ZBTB20: variants seen among roughly 807,000 people sequenced by gnomAD.
ZBTB20 encodes the protein zinc finger and BTB domain-containing protein 20.
ZBTB20 carries 9 observed loss-of-function variants against 56.9 expected under a neutral mutation model. That is an observed-to-expected ratio of 0.16 (90% CI 0.10 to 0.28). The LOEUF (loss-of-function observed/expected upper bound fraction) is 0.28. Ranked by LOEUF, ZBTB20 falls within the 10% of genes least tolerant of loss-of-function variation. ZBTB20 has a pLI of 1.00. For missense variants in ZBTB20, 655 were observed against 1,003.0 expected (o/e 0.65, Z 4.69); for synonymous variants, 417 against 420.7 (o/e 0.99, Z 0.11).
At chr3:115,077,192 GA>G (rs370449555) in intron 1 of ZBTB20, among the ~76,000 whole-genome samples, 2,148 of 147,796 alleles carry the variant, frequency 0.015, 63 homozygotes, top group African/African-American at 0.05. Flanking sequence ...AGAGCAAAAA[GA>G]AAAAAAAAAC....
chr3:114,900,506 A>AAAATAT (rs1553855109), intron 3 of ZBTB20, 164 bp from the exon 4 acceptor site: 1 of 137,968 alleles, frequency 7.2e-6, no homozygotes, highest in Non-Finnish European at 1.5e-5. Flanking sequence ...TATATCTGAA[A>AAAATAT]ATATATACAC....
chr3:115,140,135 G>A (rs2084769318), intron 1 of ZBTB20, among the ~76,000 whole-genome samples: 1 of 151,832 alleles, frequency 6.6e-6, no homozygotes, highest in South Asian at 2.1e-4. Flanking sequence ...CCCTAAAAAT[G>A]AAAAATCTAA....
In ZBTB20 at chr3:115,078,230, C is replaced by T. The variant is rs145921434; in HGVS notation, c.-702-6816G>A. Among the ~76,000 whole-genome samples, 4 of 152,180 alleles carry T rather than the reference C, an allele frequency of 2.6e-5. No individual in the cohort carries two copies. The South Asian group carries it at 6.2e-4, about 24-fold the overall frequency. On this transcript the variant is annotated intron_variant, in intron 1 of 11. Transcript: ENST00000675478. ...GTATATCTCACACTATCTAGAACAA[C>T]GTGTTATTGCTAATAGATATTCTAT...
At chr3:115,098,276 T>A (rs2083451302) in intron 1 of ZBTB20, among the ~76,000 whole-genome samples, 1 of 152,186 alleles carries the variant, frequency 6.6e-6, no homozygotes, top group Non-Finnish European at 1.5e-5. Flanking sequence ...AAGACATAGA[T>A]GAAAGATTTC....
chr3:114,406,277 TC>T (rs1235781725), intron 7 of ZBTB20, among the ~76,000 whole-genome samples: 1 of 152,142 alleles, frequency 6.6e-6, no homozygotes, highest in African/African-American at 2.4e-5. Context: ...CTAGCCTAAT[TC>T]TTTATCATTT....
rs189430482 is a variant in ZBTB20 at position 115,001,416 on chromosome 3, T to C, written c.-506-27000A>G. On this transcript the variant is annotated intron_variant, in intron 2 of 11. Transcript: ENST00000675478. ...AATAAAAATATGAGCTGTTGACCAA[T>C]AGCAGTATTATAAATTTAAAATGGG... Among the ~76,000 whole-genome samples, 546 of 151,416 alleles carry C rather than the reference T, an allele frequency of 3.6e-3. 4 individuals are homozygous for C. Among genetic ancestry groups the C allele is most frequent in the African/African-American group, 0.013 (519 of 41,434 alleles).
At chr3:114,808,773 G>A (rs1348441075) in intron 4 of ZBTB20, among the ~76,000 whole-genome samples, 1 of 151,944 alleles carries the variant, frequency 6.6e-6, no homozygotes, top group Non-Finnish European at 1.5e-5. Context: ...ATAATGACGT[G>A]ATGAGGTCCT....
In ZBTB20 at chr3:114,332,625, G is replaced by GT. The variant is rs770658561; in HGVS notation, c.*6379dup. ...GAATAGGGCTTGTTTTTGTGATAAT[G>GT]TAACTATTAAACAGCAAGAAATGCC... On this transcript the variant is annotated 3_prime_UTR_variant, in exon 12 of 12. Coordinates refer to ENST00000675478, the MANE Select transcript of ZBTB20 (RefSeq NM_001348800.3). 2 of 152,180 alleles carry GT rather than the reference G, an allele frequency of 1.3e-5. No individual in the cohort carries two copies. The highest frequency in any genetic ancestry group is 2.9e-5 in the Non-Finnish European group (2 of 68,022). The allele number at this position is 152,180 out of a possible 1,614,324, so 9.4% of individuals were successfully genotyped here. A position where few individuals can be genotyped will look rare whatever the true frequency, so the allele number is the denominator to read the frequency against.
intron 4 of ZBTB20, among the ~76,000 whole-genome samples, chr3:114,837,055 T>C (rs972554345): frequency 6.6e-6 from 1 of 152,164 alleles, no homozygotes; most frequent in Non-Finnish European, 1.5e-5. Flanking sequence ...TTAGCCCTGG[T>C]CTAGCTATAT....
rs1263805743 is a variant in ZBTB20 at position 114,332,183 on chromosome 3, T to A, written c.*6822A>T. The A allele has an allele frequency of 6.7e-6, 1 of 149,610 alleles. No homozygotes were observed. Among genetic ancestry groups the A allele is most frequent in the Admixed American group, 6.7e-5 (1 of 14,906 alleles). The allele number at this position is 149,610 out of a possible 1,614,324, so 9.3% of individuals were successfully genotyped here. A position where few individuals can be genotyped will look rare whatever the true frequency, so the allele number is the denominator to read the frequency against. On this transcript the variant is annotated 3_prime_UTR_variant, in exon 12 of 12. Coordinates refer to ENST00000675478, the MANE Select transcript of ZBTB20 (RefSeq NM_001348800.3). ...AGGGACTTTTATACCCAGCTGGGCATCCCAGAAGCCTGGACTCTCAGGACT... is the reference window on the plus strand; with the variant it reads ...AGGGACTTTTATACCCAGCTGGGCAACCCAGAAGCCTGGACTCTCAGGACT...
At chr3:114,379,377 A>G (rs2084039632) in intron 10 of ZBTB20, among the ~76,000 whole-genome samples, 1 of 152,198 alleles carries the variant, frequency 6.6e-6, no homozygotes, top group Non-Finnish European at 1.5e-5. Flanking sequence ...CTCCAAAGTT[A>G]TTTCATTCCT....
intron 1 of ZBTB20, among the ~76,000 whole-genome samples, chr3:115,097,537 C>T (rs2083425802): frequency 6.6e-6 from 1 of 152,108 alleles, no homozygotes; most frequent in South Asian, 2.1e-4. Flanking sequence ...AAAAAGCACA[C>T]ACACGTCACT....
intron 10 of ZBTB20, among the ~76,000 whole-genome samples, chr3:114,367,975 G>C (rs184734216): frequency 1.2e-3 from 177 of 152,250 alleles, no homozygotes; most frequent in African/African-American, 4.1e-3. Context: ...CGTTCTCAGG[G>C]GGAAAGGATG....
intron 10 of ZBTB20, among the ~76,000 whole-genome samples, chr3:114,377,747 A>C (rs533606921): frequency 6.6e-6 from 1 of 152,276 alleles, no homozygotes; most frequent in East Asian, 1.9e-4. Context: ...CTCGGTACCC[A>C]AATGAGTTAA....
chr3:114,855,222 T>A (rs533994041), intron 4 of ZBTB20, among the ~76,000 whole-genome samples: 2 of 152,364 alleles, frequency 1.3e-5, no homozygotes, highest in South Asian at 4.1e-4. Context: ...TATAACTCTT[T>A]ATCATTTGTG....
chr3:114,928,372 GATGGAGA>G, intron 3 of ZBTB20, among the ~76,000 whole-genome samples: 1 of 146,398 alleles, frequency 6.8e-6, no homozygotes, highest in African/African-American at 2.4e-5. Flanking sequence ...GTTCTTCAAT[GATGGAGA>G]ACCTCAAGGT....
At chr3:114,783,295 T>C (rs1214557280) in intron 5 of ZBTB20, among the ~76,000 whole-genome samples, 1 of 152,222 alleles carries the variant, frequency 6.6e-6, no homozygotes, top group Non-Finnish European at 1.5e-5. Flanking sequence ...TTTATTGACC[T>C]TGAATTTCTT....
chr3:114,892,019 C>G (rs1385579474), intron 4 of ZBTB20, among the ~76,000 whole-genome samples: 1 of 152,010 alleles, frequency 6.6e-6, no homozygotes, highest in African/African-American at 2.4e-5. Flanking sequence ...TGCACTCCAG[C>G]CTGGGCGACA....
chr3:114,956,736 C>A (rs908823036), intron 3 of ZBTB20, among the ~76,000 whole-genome samples: 2 of 152,148 alleles, frequency 1.3e-5, no homozygotes, highest in Non-Finnish European at 2.9e-5. Context: ...AACATGCAGG[C>A]TATTTGACTC....
Sources: gnomAD v4.1 joint callset for allele counts (sites outside exome capture counted in the v4.1 genomes callset) on GRCh38, gnomAD v4.1.1 for gene constraint, MANE v1.5 for transcripts, NCBI Gene and HGNC (gene_info 2026-07-23, HGNC 2026-07-21) for gene names.